The following SGMS1 variants were observed in gnomAD, a reference collection of about 807,000 sequenced individuals.
The protein encoded by SGMS1 is phosphatidylcholine:ceramide cholinephosphotransferase 1.
SGMS1 carries 13 observed loss-of-function variants against 46.2 expected under a neutral mutation model. The observed-to-expected ratio is 0.28, with a 90% confidence interval of 0.18 to 0.45. SGMS1 has a LOEUF of 0.45. Among genes scored for constraint, SGMS1 ranks in the 20% least tolerant of loss-of-function variants. The pLI is 1.00. For synonymous variants in SGMS1, 203 were observed against 187.8 expected (o/e 1.08, Z -0.66); for missense variants, 324 against 519.9 (o/e 0.62, Z 3.66).
At chr10:50,595,735 A>G (rs1213312790) in intron 1 of SGMS1, among the ~76,000 whole-genome samples, 7 of 152,272 alleles carry the variant, frequency 4.6e-5, no homozygotes, top group African/African-American at 1.4e-4. Context: ...AAGGTCCTGG[A>G]AACAGTCCCC....
At chr10:50,369,909 T>C (rs1848408163) in intron 6 of SGMS1, among the ~76,000 whole-genome samples, 1 of 152,232 alleles carries the variant, frequency 6.6e-6, no homozygotes, top group African/African-American at 2.4e-5. Context: ...CTAGGCTGTA[T>C]GGTATAGCCT....
intron 8 of SGMS1, among the ~76,000 whole-genome samples, chr10:50,326,461 G>A (rs2133312252): frequency 6.6e-6 from 1 of 152,296 alleles, no homozygotes; most frequent in South Asian, 2.1e-4. Flanking sequence ...AAATACATCA[G>A]AGTATACTAT....
intron 2 of SGMS1, among the ~76,000 whole-genome samples, chr10:50,552,817 C>T (rs1838159853): frequency 6.6e-6 from 1 of 152,130 alleles, no homozygotes; most frequent in African/African-American, 2.4e-5. Context: ...GCTCTAAATG[C>T]AATCAAAGGT....
At chr10:50,473,756 C>T (rs1028238187) in intron 3 of SGMS1, among the ~76,000 whole-genome samples, 10 of 152,190 alleles carry the variant, frequency 6.6e-5, no homozygotes, top group Admixed American at 6.5e-4. Context: ...GGGGACTCTG[C>T]CATATTCTCA....
chr10:50,510,773 C>T (rs1837746785), intron 3 of SGMS1, among the ~76,000 whole-genome samples: 1 of 152,098 alleles, frequency 6.6e-6, no homozygotes, highest in Admixed American at 6.5e-5. Context: ...AATACTATTA[C>T]TATTAATAAA....
rs931934426 is a variant in SGMS1 at position 50,460,732 on chromosome 10, G to T, written c.-372C>A. The T allele has an allele frequency of 6.6e-6, 1 of 152,302 alleles. No individual in the cohort carries two copies. Among genetic ancestry groups the T allele is most frequent in the East Asian group, 1.9e-4 (1 of 5,320 alleles). The allele number at this position is 152,302 out of a possible 1,614,324, so 9.4% of individuals were successfully genotyped here. ...TTCCTTTAAAAGTATTCTCAGGTAC[G>T]CTTGCTGAGGCAGGTTCTCGTCTTC... On this transcript the variant is annotated 5_prime_UTR_variant, in exon 5 of 11. Coordinates refer to ENST00000361781, the MANE Select transcript of SGMS1 (RefSeq NM_147156.4).
intron 7 of SGMS1, among the ~76,000 whole-genome samples, chr10:50,332,202 A>G (rs1406682783): frequency 6.6e-6 from 1 of 152,050 alleles, no homozygotes; most frequent in Admixed American, 6.6e-5. Context: ...TCCAGGCTCT[A>G]TCTCAGCCCA....
At chr10:50,596,210 C>G (rs2131900785) in intron 1 of SGMS1, among the ~76,000 whole-genome samples, 1 of 137,392 alleles carries the variant, frequency 7.3e-6, no homozygotes, top group South Asian at 2.2e-4. Flanking sequence ...GAGTTTCGCT[C>G]TTGTTGCCCA....
chr10:50,332,745 C>T (rs145975218), intron 7 of SGMS1, among the ~76,000 whole-genome samples: 1,771 of 151,232 alleles, frequency 0.012, 40 homozygotes, highest in African/African-American at 0.041. Flanking sequence ...GCCTCAGCCT[C>T]CTGAGTATCT....
intron 2 of SGMS1, among the ~76,000 whole-genome samples, chr10:50,564,502 G>A (rs3011801): frequency 0.18 from 27,658 of 152,164 alleles, 3,061 homozygotes; most frequent in Non-Finnish European, 0.26. Flanking sequence ...CCACAAGCAC[G>A]TGAGATGATC....
intron 6 of SGMS1, among the ~76,000 whole-genome samples, chr10:50,393,420 A>G (rs1848804414): frequency 6.6e-6 from 1 of 152,200 alleles, no homozygotes; most frequent in Admixed American, 6.6e-5. Flanking sequence ...GATAAAAACC[A>G]AAGAAGCACA....
chr10:50,480,391 C>T (rs568306651), intron 3 of SGMS1, among the ~76,000 whole-genome samples: 10 of 151,926 alleles, frequency 6.6e-5, no homozygotes, highest in African/African-American at 1.7e-4. Flanking sequence ...CAGCTCCCAC[C>T]AAGCAGAATG....
Position 50,434,720 on chromosome 10 carries a change from C to CAAAAA in SGMS1, c.-312-1169_-312-1165dup, listed in dbSNP as rs35940464. On this transcript the variant is annotated intron_variant, in intron 5 of 10. Transcript: ENST00000361781. ...TGAAACCCTGTCTCTACTAAAAATA[C>CAAAAA]AAAAAAAAAAAAAAATTAGCCAGGC... Among the ~76,000 whole-genome samples, 3 of 137,106 alleles carry CAAAAA rather than the reference C, an allele frequency of 2.2e-5. 1 individual carries two copies. Among genetic ancestry groups the CAAAAA allele is most frequent in the Admixed American group, 7.3e-5 (1 of 13,642 alleles). 89.9% of individuals were successfully genotyped at this position (137,106 alleles called of 152,430 possible).
At chr10:50,383,466 C>A (rs1376379045) in intron 6 of SGMS1, among the ~76,000 whole-genome samples, 1 of 152,046 alleles carries the variant, frequency 6.6e-6, no homozygotes, top group Non-Finnish European at 1.5e-5. Flanking sequence ...AGATGGCTTT[C>A]TTATCTTTTG....
At chr10:50,427,201 A>G (rs7916013) in intron 6 of SGMS1, among the ~76,000 whole-genome samples, 141 of 152,344 alleles carry the variant, frequency 9.3e-4, no homozygotes, top group African/African-American at 2.9e-3. Context: ...GATAGAGACA[A>G]TCCTGGCTAA....
chr10:50,611,664 T>C (rs756096790), intron 1 of SGMS1, among the ~76,000 whole-genome samples: 1 of 152,186 alleles, frequency 6.6e-6, no homozygotes, highest in Non-Finnish European at 1.5e-5. Context: ...GGGTCCTCTA[T>C]ACAGACTGTT....
In SGMS1 at chr10:50,531,071, G is replaced by GA. The variant is rs143520855; in HGVS notation, c.-588-11151dup. 2.2e-3 allele frequency among the ~76,000 whole-genome samples: 329 copies of GA among 149,658 alleles called. 1 individual carries two copies. Among genetic ancestry groups the GA allele is most frequent in the Admixed American group, 3.3e-3 (49 of 15,030 alleles). On this transcript the variant is annotated intron_variant, in intron 2 of 10. Coordinates refer to ENST00000361781, the MANE Select transcript of SGMS1 (RefSeq NM_147156.4). ...TGGTCTTTTATACAGGACAATCCCA[G>GA]AAAAAAAAACAGAAATAAAAGATTT...
chr10:50,412,111 A>T (rs974631487), intron 6 of SGMS1, among the ~76,000 whole-genome samples: 3 of 152,110 alleles, frequency 2.0e-5, no homozygotes, highest in Admixed American at 2.0e-4. Flanking sequence ...GAGGGGACAG[A>T]TTTCCTTCCA....
At chr10:50,583,000 T>A (rs1838449191) in intron 2 of SGMS1, among the ~76,000 whole-genome samples, 1 of 152,142 alleles carries the variant, frequency 6.6e-6, no homozygotes, top group Non-Finnish European at 1.5e-5. Flanking sequence ...AGGTTGACAG[T>A]AATAACCAGG....
Sources: gnomAD v4.1 joint callset for allele counts (sites outside exome capture counted in the v4.1 genomes callset) on GRCh38, gnomAD v4.1.1 for gene constraint, MANE v1.5 for transcripts, NCBI Gene and HGNC (gene_info 2026-07-23, HGNC 2026-07-21) for gene names.